Variants in SRI observed in about 807,000 individuals in gnomAD.
The protein encoded by SRI is sorcin, also known as 22 kDa protein.
Under a neutral mutation model 33.3 loss-of-function variants are expected in SRI, and 30 were observed. That is an observed-to-expected ratio of 0.90 (90% CI 0.67 to 1.22). SRI has a LOEUF of 1.22. SRI is among the 50% of genes most tolerant of loss of function. The pLI, the probability that SRI is intolerant of heterozygous loss-of-function variation, is 0.00. For synonymous variants in SRI, 75 were observed against 89.9 expected (o/e 0.83, Z 0.94); for missense variants, 243 against 250.8 (o/e 0.97, Z 0.21).
At chr7:88,219,512 T>G (rs1277184453) in intron 1 of SRI, 1 of 189,944 alleles carries the variant, frequency 5.3e-6, no homozygotes, top group African/African-American at 2.4e-5. Context: ...AGGTTTTCCC[T>G]TTTTTTCCGT....
Position 88,218,941 on chromosome 7 carries a change from T to C in SRI, c.53A>G (p.Tyr18Cys). Residue 18 changes from tyrosine to cysteine, a missense_variant and splice_region_variant, in exon 2 of 8, where the codon TAT (tyrosine) becomes TGT (cysteine). Physicochemically the swap from Tyr to Cys is radical, Grantham distance 194. Transcript: ENST00000265729. ...CGCAGGCCCTCCGGGAGCCCCTCCATACTGTGAAACAGGAAACACATACAC... is the reference window on the plus strand; with the variant it reads ...CGCAGGCCCTCCGGGAGCCCCTCCACACTGTGAAACAGGAAACACATACAC... The part of the protein sequence containing the change: ...GAGGGYYPGG[Y>C]GGAPGGPAFP... The C allele has an allele frequency of 1.9e-6, 3 of 1,613,754 alleles. No homozygotes were observed. Among genetic ancestry groups the C allele is most frequent in the South Asian group, 1.1e-5 (1 of 91,078 alleles).
At chr7:88,211,285 T>C (rs1851572647) in intron 3 of SRI, among the ~76,000 whole-genome samples, 1 of 152,088 alleles carries the variant, frequency 6.6e-6, no homozygotes. Flanking sequence ...CAAAAACTCG[T>C]CTCTACTAAA....
At position 88,206,255 on chromosome 7, in the gene SRI, G is replaced by C. The variant is rs1040434078; in HGVS notation, c.*223C>G. The C allele has an allele frequency of 6.9e-6, 4 of 581,690 alleles. No homozygotes were observed. The highest frequency in any genetic ancestry group is 5.9e-5 in the Admixed American group (2 of 33,858). 36.0% of individuals were successfully genotyped at this position (581,690 alleles called of 1,614,324 possible). A position where few individuals can be genotyped will look rare whatever the true frequency, so the allele number is the denominator to read the frequency against. The stretch of plus-strand genomic sequence containing the variant: ...TAAGGCATGACTGATAATGGCTCAG[G>C]AAAGTTCTAAATGGTGTAACAGACT... On this transcript the variant is annotated 3_prime_UTR_variant, in exon 8 of 8. Transcript: ENST00000265729.
chr7:88,224,745 G>C (rs1319699209), upstream of SRI, among the ~76,000 whole-genome samples: 1 of 152,210 alleles, frequency 6.6e-6, no homozygotes. Flanking sequence ...TTCCACTATT[G>C]ATGTTTTAGT....
intron 4 of SRI, 185 bp from the exon 5 acceptor site, chr7:88,210,315 AT>A: frequency 1.5e-6 from 1 of 672,818 alleles, no homozygotes; most frequent in Non-Finnish European, 2.5e-6. Context: ...TCAAGTGCCA[AT>A]TTTTACTGTG....
chr7:88,214,984 G>C (rs1399127615), intron 3 of SRI: 2 of 494,096 alleles, frequency 4.0e-6, no homozygotes, highest in South Asian at 1.5e-5. Context: ...TTACTGACTG[G>C]AACACAACTT....
chr7:88,219,516 T>C, intron 1 of SRI: 1 of 193,856 alleles, frequency 5.2e-6, no homozygotes, highest in Non-Finnish European at 1.0e-5. Context: ...TTTCCCTTTT[T>C]TTCCGTCCCC....
chr7:88,208,533 C>T lies in SRI; in HGVS notation c.544G>A (p.Gly182Ser). The T allele has an allele frequency of 6.2e-7, 1 of 1,613,930 alleles. No individual in the cohort carries two copies. The highest frequency in any genetic ancestry group is 8.5e-7 in the Non-Finnish European group (1 of 1,179,942). The stretch of plus-strand genomic sequence containing the variant: ...TCATCATATGGGAAATTCACAACAC[C>T]TTGCTGAGCAGTATCCCGTCTTCGA... ...SFRRRDTAQQGVVNFPYDDFI... is the reference protein window; with the variant it reads ...SFRRRDTAQQSVVNFPYDDFI... The change falls in exon 7 of 8, where the codon GGT becomes AGT. Residue 182 changes from glycine (G) to serine (S), a missense_variant. Gly to Ser is a moderately conservative substitution (Grantham distance 56). Transcript: ENST00000265729.
chr7:88,217,022 TC>T, intron 3 of SRI, 99 bp downstream of exon 3: 1 of 1,078,350 alleles, frequency 9.3e-7, no homozygotes, highest in South Asian at 1.3e-5. Context: ...CTTTGCTAGA[TC>T]CGACAAGCTC....
chr7:88,226,883 ATAT>A (rs1391552079), intron 1 of SRI: 1 of 1,610,912 alleles, frequency 6.2e-7, no homozygotes, highest in African/African-American at 1.3e-5. Context: ...GAATAGTCTA[ATAT>A]TATATACATA....
At chr7:88,219,615 C>CT (rs1851831877) in intron 1 of SRI, 2 of 289,176 alleles carry the variant, frequency 6.9e-6, no homozygotes, top group East Asian at 1.3e-4. Flanking sequence ...AATAAAATGA[C>CT]TGTTGTTGCT....
At position 88,206,182 on chromosome 7, in the gene SRI, C is replaced by T; in HGVS notation, c.*296G>A. 1 of 442,462 alleles carries T rather than the reference C, an allele frequency of 2.3e-6. No homozygotes were observed. Among genetic ancestry groups the T allele is most frequent in the Non-Finnish European group, 4.1e-6 (1 of 242,694 alleles). 27.4% of individuals were successfully genotyped at this position (442,462 alleles called of 1,614,324 possible). A position where few individuals can be genotyped will look rare whatever the true frequency, so the allele number is the denominator to read the frequency against. On this transcript the variant is annotated 3_prime_UTR_variant, in exon 8 of 8. Coordinates refer to ENST00000265729, the MANE Select transcript of SRI (RefSeq NM_003130.4). ...TCACAATGAAAAATAAATAATGTGA[C>T]TTAAACATTTTGCATACTTAAATTT...
At position 88,205,710 on chromosome 7, in the gene SRI, TA is replaced by T. The variant is rs1851425932; in HGVS notation, c.*767del. ...ATGGATGTATCAGTATTTTAAAAAC[TA>T]AAATCTGATTTTAAAAGGAAAGCAT... is the stretch of plus-strand genomic sequence containing the variant. On this transcript the variant is annotated 3_prime_UTR_variant, in exon 8 of 8. Transcript: ENST00000265729. 6.6e-6 allele frequency: 1 copy of T among 152,178 alleles called. No individual in the cohort carries two copies. Among genetic ancestry groups the T allele is most frequent in the African/African-American group, 2.4e-5 (1 of 41,452 alleles). The allele number at this position is 152,178 out of a possible 1,614,324, so 9.4% of individuals were successfully genotyped here. A position where few individuals can be genotyped will look rare whatever the true frequency, so the allele number is the denominator to read the frequency against.
Position 88,205,229 on chromosome 7 carries a change from G to C in SRI, c.*1249C>G, listed in dbSNP as rs1851414937. The C allele has an allele frequency of 6.6e-6, 1 of 152,132 alleles. No individual in the cohort carries two copies. Among genetic ancestry groups the C allele is most frequent in the Non-Finnish European group, 1.5e-5 (1 of 68,020 alleles). The allele number at this position is 152,132 out of a possible 1,614,324, so 9.4% of individuals were successfully genotyped here. ...ATACTCTGCTGGCAAGTAGAAAATA[G>C]ACTAATTTCATTTTTTATCTGTTAA... On this transcript the variant is annotated 3_prime_UTR_variant, in exon 8 of 8. Transcript: ENST00000265729.
chr7:88,213,373 AAC>A (rs758953764), intron 3 of SRI, among the ~76,000 whole-genome samples: 7 of 152,198 alleles, frequency 4.6e-5, no homozygotes, highest in Admixed American at 3.3e-4. Context: ...ACTCTTGTTC[AAC>A]CCCGTACACT....
upstream of SRI, among the ~76,000 whole-genome samples, chr7:88,223,100 A>G (rs889102655): frequency 6.6e-6 from 1 of 152,212 alleles, no homozygotes; most frequent in African/African-American, 2.4e-5. Context: ...CTACCTACTC[A>G]TCTGACAAAG....
intron 6 of SRI, 64 bp downstream of exon 6, chr7:88,209,275 G>T (rs1179559135): frequency 8.2e-6 from 11 of 1,340,752 alleles, no homozygotes; most frequent in Non-Finnish European, 1.2e-5. Flanking sequence ...GAAGCACTGA[G>T]AGATGAAATG....
chr7:88,220,232 G>A (rs1054952175), upstream of SRI: 2 of 983,770 alleles, frequency 2.0e-6, no homozygotes, highest in Non-Finnish European at 2.4e-6. Flanking sequence ...CCATTACGGC[G>A]CTAATGCAGT....
At chr7:88,223,274 C>A (rs1322068922), upstream of SRI, among the ~76,000 whole-genome samples, 5 of 152,148 alleles carry the variant, frequency 3.3e-5, no homozygotes, top group Non-Finnish European at 7.4e-5. Flanking sequence ...TCGCATTTTA[C>A]TTATTTGCTT....
Sources: gnomAD v4.1 joint callset for allele counts (sites outside exome capture counted in the v4.1 genomes callset) on GRCh38, gnomAD v4.1.1 for gene constraint, MANE v1.5 for transcripts, NCBI Gene and HGNC (gene_info 2026-07-23, HGNC 2026-07-21) for gene names.